TUSC3: variants seen among roughly 807,000 people sequenced by gnomAD.
TUSC3 encodes dolichyl-diphosphooligosaccharide--protein glycosyltransferase subunit TUSC3.
A neutral mutation model predicts 44.8 loss-of-function variants in TUSC3; 45 were observed. That is an observed-to-expected ratio of 1.00 (90% confidence interval 0.79 to 1.29). TUSC3 has a LOEUF of 1.29. TUSC3 is among the 50% of genes most tolerant of loss of function. The pLI, the probability that TUSC3 is intolerant of heterozygous loss-of-function variation, is 0.00. For synonymous variants in TUSC3, 212 were observed against 152.9 expected, an observed-to-expected ratio of 1.39 and a Z score of -2.85; for missense variants, 519 against 437.9, an observed-to-expected ratio of 1.19 and a Z score of -1.65.
chr8:15,803,578 A>G, the TUSC3 span, among the ~76,000 whole-genome samples: 1 of 152,184 alleles, frequency 6.6e-6, no homozygotes, highest in African/African-American at 2.4e-5. Context: ...AAGTTCTGGG[A>G]TACACGTGCT....
the TUSC3 span, among the ~76,000 whole-genome samples, chr8:15,845,984 C>A: frequency 6.6e-6 from 1 of 152,048 alleles, no homozygotes; most frequent in Non-Finnish European, 1.5e-5. Flanking sequence ...TACATCATGG[C>A]AGCAAGAGAA....
chr8:15,432,131 AG>A (rs1488257390), intron 1 of TUSC3, among the ~76,000 whole-genome samples: 1 of 151,980 alleles, frequency 6.6e-6, no homozygotes, highest in African/African-American at 2.4e-5. Flanking sequence ...TCATAAAATG[AG>A]TATGGAAGTG....
intron 6 of TUSC3, among the ~76,000 whole-genome samples, chr8:15,693,750 C>G (rs1438956456): frequency 6.6e-6 from 1 of 152,028 alleles, no homozygotes; most frequent in Non-Finnish European, 1.5e-5. Flanking sequence ...TTCGAGGTTG[C>G]TTGCTTTCTC....
rs1483234584 is a variant in TUSC3, at chr8:15,559,492, G to A, written c.138+18924G>A. Among the ~76,000 whole-genome samples, 2 of 143,820 alleles carry A rather than the reference G, an allele frequency of 1.4e-5. 1 individual carries two copies. The highest frequency in any genetic ancestry group is 3.1e-5 in the Non-Finnish European group (2 of 64,774). 94.4% of individuals were successfully genotyped at this position (143,820 alleles called of 152,430 possible). A position where few individuals can be genotyped will look rare whatever the true frequency, so the allele number is the denominator to read the frequency against. ...AATGTATATTCTGTTGATTTGGGGTGGAGAGTTCTGTAGATGTCTGTTAGG... is the reference window on the plus strand; with the variant it reads ...AATGTATATTCTGTTGATTTGGGGTAGAGAGTTCTGTAGATGTCTGTTAGG... On this transcript the variant is annotated intron_variant, in intron 1 of 10. Transcript: ENST00000503731.
intron 5 of TUSC3, among the ~76,000 whole-genome samples, chr8:15,672,348 G>A (rs1358843653): frequency 6.6e-6 from 1 of 151,912 alleles, no homozygotes; most frequent in Non-Finnish European, 1.5e-5. Flanking sequence ...CTATAGACAG[G>A]AAACTGAGGC....
At chr8:15,678,139 T>A (rs113645213) in intron 6 of TUSC3, among the ~76,000 whole-genome samples, 5 of 152,130 alleles carry the variant, frequency 3.3e-5, no homozygotes, top group Non-Finnish European at 7.4e-5. Context: ...ATGTCAACTT[T>A]CCTACTACAG....
At chr8:15,736,538 T>G (rs2721220) in intron 7 of TUSC3, among the ~76,000 whole-genome samples, 2,037 of 152,296 alleles carry the variant, frequency 0.013, 17 homozygotes, top group East Asian at 0.036. Flanking sequence ...CAAAACCTCA[T>G]GTATGATTTT....
At chr8:15,540,162 C>G (rs1801625846), upstream of TUSC3, 1 of 421,104 alleles carries the variant, frequency 2.4e-6, no homozygotes, top group South Asian at 5.9e-5. Context: ...CGGGCGGGAG[C>G]GCACGCCGCG....
At chr8:15,522,986 G>C (rs1437454198) in intron 2 of TUSC3, among the ~76,000 whole-genome samples, 3 of 152,170 alleles carry the variant, frequency 2.0e-5, no homozygotes, top group Admixed American at 1.3e-4. Context: ...GCATCGTTAA[G>C]TAAGGTGTCA....
chr8:15,739,254 C>G (rs1811076231), intron 7 of TUSC3, among the ~76,000 whole-genome samples: 1 of 151,976 alleles, frequency 6.6e-6, no homozygotes, highest in South Asian at 2.1e-4. Flanking sequence ...ATAAATTATT[C>G]TAAAATAGAT....
chr8:15,746,643 A>T (rs1370382749), intron 8 of TUSC3, among the ~76,000 whole-genome samples: 5 of 152,026 alleles, frequency 3.3e-5, no homozygotes, highest in African/African-American at 1.2e-4. Context: ...GTCTTACTTG[A>T]TCACACATTT....
chr8:15,638,472 C>T (rs1339639820), intron 2 of TUSC3, among the ~76,000 whole-genome samples: 2 of 149,596 alleles, frequency 1.3e-5, no homozygotes, highest in African/African-American at 4.9e-5. Context: ...TCTGACCACA[C>T]AGAAGGAAGT....
intron 7 of TUSC3, among the ~76,000 whole-genome samples, chr8:15,741,940 A>C (rs1010285307): frequency 6.6e-6 from 1 of 152,210 alleles, no homozygotes; most frequent in African/African-American, 2.4e-5. Context: ...AGTTTTAGTG[A>C]AACAAGTTTT....
Position 15,650,983 on chromosome 8 carries a change from T to G in TUSC3, c.426+169T>G, listed in dbSNP as rs1263478202. The G allele has an allele frequency of 5.6e-6, 3 of 535,478 alleles. No individual in the cohort carries two copies. The African/African-American group carries it at 8.8e-5, about 16-fold the overall frequency. 33.2% of individuals were successfully genotyped at this position (535,478 alleles called of 1,614,324 possible). A position where few individuals can be genotyped will look rare whatever the true frequency, so the allele number is the denominator to read the frequency against. On this transcript the variant is annotated intron_variant, in intron 3 of 10. Transcript: ENST00000503731. ...CCAGGTGGAGGACAGAGCAAGACTT[T>G]TACACACACACACACACACACACAC...
chr8:15,427,224 T>G (rs1166276405), intron 1 of TUSC3, among the ~76,000 whole-genome samples: 1 of 134,594 alleles, frequency 7.4e-6, no homozygotes, highest in Non-Finnish European at 1.6e-5. Context: ...TGCAGAAGGT[T>G]TTTCCTTTTT....
At chr8:15,487,920 C>G (rs1249320169) in intron 2 of TUSC3, among the ~76,000 whole-genome samples, 3 of 122,324 alleles carry the variant, frequency 2.5e-5, no homozygotes, top group African/African-American at 9.6e-5. Flanking sequence ...TTTTTTTTTA[C>G]TGAAAAGAAG....
the TUSC3 span, chr8:15,806,689 T>C: frequency 7.4e-6 from 7 of 945,702 alleles, no homozygotes; most frequent in Non-Finnish European, 1.0e-5. Flanking sequence ...CATGGATACA[T>C]TTGTAATCAA....
chr8:15,478,882 A>G (rs1300351745), intron 1 of TUSC3, among the ~76,000 whole-genome samples: 1 of 152,086 alleles, frequency 6.6e-6, no homozygotes, highest in Non-Finnish European at 1.5e-5. Context: ...GGTAGAACTA[A>G]TTTACATTCC....
At chr8:15,657,555 G>C (rs1256546909) in intron 3 of TUSC3, among the ~76,000 whole-genome samples, 1 of 152,122 alleles carries the variant, frequency 6.6e-6, no homozygotes, top group Non-Finnish European at 1.5e-5. Context: ...TTTCTTACCA[G>C]CATTCTGATC....
Sources: gnomAD v4.1 joint callset for allele counts (sites outside exome capture counted in the v4.1 genomes callset) on GRCh38, gnomAD v4.1.1 for gene constraint, MANE v1.5 for transcripts, NCBI Gene and HGNC (gene_info 2026-07-23, HGNC 2026-07-21) for gene names.